Variants in ALDH4A1 observed in about 807,000 individuals in gnomAD.
ALDH4A1 encodes the protein delta-1-pyrroline-5-carboxylate dehydrogenase, mitochondrial.
ALDH4A1 carries 46 observed loss-of-function variants against 70.5 expected under a neutral mutation model. That is an observed-to-expected ratio of 0.65 (90% CI 0.51 to 0.83). The LOEUF is 0.83. Ranked by LOEUF, ALDH4A1 falls within the 40% of genes least tolerant of loss-of-function variation. The pLI, the probability that ALDH4A1 is intolerant of heterozygous loss-of-function variation, is 0.00. For missense variants in ALDH4A1, 749 were observed against 766.5 expected, an observed-to-expected ratio of 0.98 and a Z score of 0.27; for synonymous variants, 323 against 324.3, an observed-to-expected ratio of 1.00 and a Z score of 0.04.
intron 4 of ALDH4A1, among the ~76,000 whole-genome samples, chr1:18,885,859 C>T (rs551076815): frequency 2.6e-5 from 4 of 152,306 alleles, no homozygotes; most frequent in Admixed American, 1.3e-4. Flanking sequence ...GTCAGCTCTC[C>T]GAGGCCTTGG....
At chr1:18,887,387 CAGG>C (rs1935247989) in intron 3 of ALDH4A1, among the ~76,000 whole-genome samples, 1 of 152,240 alleles carries the variant, frequency 6.6e-6, no homozygotes, top group Non-Finnish European at 1.5e-5. Context: ...ATCACAAGGT[CAGG>C]AGATCGAGAC....
At chr1:18,889,720 T>C (rs949589350) in intron 2 of ALDH4A1, among the ~76,000 whole-genome samples, 21 of 152,356 alleles carry the variant, frequency 1.4e-4, no homozygotes, top group African/African-American at 5.1e-4. Flanking sequence ...TGAAATCTCA[T>C]GATTTTTAAA....
In ALDH4A1 at chr1:18,902,528, G is replaced by T. The variant is rs564951853; in HGVS notation, c.-5C>A. 33 of 1,487,680 alleles carry T rather than the reference G, an allele frequency of 2.2e-5. No homozygotes were observed. The highest frequency in any genetic ancestry group is 5.7e-5 in the African/African-American group (4 of 70,336). 92.2% of individuals were successfully genotyped at this position (1,487,680 alleles called of 1,614,324 possible). A position where few individuals can be genotyped will look rare whatever the true frequency, so the allele number is the denominator to read the frequency against. On this transcript the variant is annotated 5_prime_UTR_variant, in exon 1 of 15. Transcript: ENST00000375341. ...CGCGGGCGCCGGCAGCAGCATCTCG[G>T]GTTAGAAGCGGGGCTGTTCGCTGGA...
In ALDH4A1 at chr1:18,901,551, G is replaced by A. The variant is rs189350856; in HGVS notation, c.62+911C>T. 2.7e-3 allele frequency among the ~76,000 whole-genome samples: 412 copies of A among 152,318 alleles called. 2 individuals are homozygous for A. The highest frequency in any genetic ancestry group is 4.6e-3 in the Non-Finnish European group (310 of 68,028). ...CCTAGCTCCGAGCTGGAGGGGCTCTGAGAATATTTGTCATTGAGTGGGCAA... is the reference window on the plus strand; with the variant it reads ...CCTAGCTCCGAGCTGGAGGGGCTCTAAGAATATTTGTCATTGAGTGGGCAA... On this transcript the variant is annotated intron_variant, in intron 1 of 14. Transcript: ENST00000375341.
At chr1:18,889,546 C>T in intron 2 of ALDH4A1, 92 bp from the exon 3 acceptor site, 1 of 1,165,950 alleles carries the variant, frequency 8.6e-7, no homozygotes, top group Non-Finnish European at 1.2e-6. Context: ...CGGAGGTGCC[C>T]AGGCAATACA....
rs1934975752 is a variant in ALDH4A1, at chr1:18,881,735, C to T, written c.831G>A (p.Glu277=). Residue 277 remains glutamate, a synonymous_variant, in exon 8 of 15, where the codon GAG becomes GAA. Transcript: ENST00000375341. ...CTGTGAAGTTGATGCCACAGAGGTG[C>T]TCTGAGCTGGTGACAGTGTCCCCAA... ...PLFGDTVTSS[E]HLCGINFTGS... is the part of the protein sequence containing the mutation. The T allele has an allele frequency of 6.2e-7, 1 of 1,614,004 alleles. No individual in the cohort carries two copies. The highest frequency in any genetic ancestry group is 8.5e-7 in the Non-Finnish European group (1 of 1,180,056).
chr1:18,895,456 G>C (rs1489016784), intron 1 of ALDH4A1, among the ~76,000 whole-genome samples: 1 of 151,990 alleles, frequency 6.6e-6, no homozygotes, highest in Non-Finnish European at 1.5e-5. Flanking sequence ...CTCCTGCAGC[G>C]GGACATGTCA....
At chr1:18,885,431 A>AACCCCCCCCCCCC in intron 5 of ALDH4A1, 42 bp downstream of exon 5, 7 of 478,978 alleles carry the variant, frequency 1.5e-5, no homozygotes, top group East Asian at 8.6e-5. Context: ...CCTGACTCCC[A>AACCCCCCCCCCCC]CCCCACCCCG....
rs72936443 is a variant in ALDH4A1, at chr1:18,886,387, G to A, written c.297+77C>T. 0.039 allele frequency: 59,600 copies of A among 1,519,040 alleles called. 1,865 individuals carry two copies. Among genetic ancestry groups the A allele is most frequent in the African/African-American group, 0.16 (11,391 of 72,784 alleles). 94.1% of individuals were successfully genotyped at this position (1,519,040 alleles called of 1,614,324 possible). A position where few individuals can be genotyped will look rare whatever the true frequency, so the allele number is the denominator to read the frequency against. ...ACAGCAACTGATGCCCCCTGCCCCC[G>A]CCATATCAGCAGCTGGCAGGGCAGA... On this transcript the variant is annotated intron_variant, in intron 4 of 14. Coordinates refer to ENST00000375341, the MANE Select transcript of ALDH4A1 (RefSeq NM_003748.4).
Position 18,892,439 on chromosome 1 carries a change from G to T in ALDH4A1, c.63-2334C>A, listed in dbSNP as rs1291964179. ...AGATGGTGAGCATGGCAAACAAGGGGGAGAATAGGGCTGCTTCAGCCAGGG... is the reference window on the plus strand; with the variant it reads ...AGATGGTGAGCATGGCAAACAAGGGTGAGAATAGGGCTGCTTCAGCCAGGG... On this transcript the variant is annotated intron_variant, in intron 1 of 14. Transcript: ENST00000375341. Among the ~76,000 whole-genome samples the T allele has an allele frequency of 2.0e-5, 3 of 152,204 alleles. No homozygotes were observed. The South Asian group carries it at 6.2e-4, about 32-fold the overall frequency.
At chr1:18,873,998 A>G (rs1022703857) in intron 14 of ALDH4A1, among the ~76,000 whole-genome samples, 1 of 152,182 alleles carries the variant, frequency 6.6e-6, no homozygotes, top group Non-Finnish European at 1.5e-5. Flanking sequence ...GTGAGCATCA[A>G]GTTAAACTGT....
rs1190088193 is a variant in ALDH4A1 at position 18,880,948 on chromosome 1, A to ATCCT, written c.866+751_866+752insAGGA. Among the ~76,000 whole-genome samples the ATCCT allele has an allele frequency of 1.3e-5, 2 of 152,238 alleles. No homozygotes were observed. The highest frequency in any genetic ancestry group is 4.2e-4 in the South Asian group (2 of 4,818). On this transcript the variant is annotated intron_variant, in intron 8 of 14. Coordinates refer to ENST00000375341, the MANE Select transcript of ALDH4A1 (RefSeq NM_003748.4). The surrounding 1 kb of genome is among the most constrained non-coding windows in gnomAD (Gnocchi z 5.1). ...CAGGATAAAGGCCAGACACCTTTGCAGACTCCTAAGTATCTTATGGTCACT... is the reference window on the plus strand; with the variant it reads ...CAGGATAAAGGCCAGACACCTTTGCATCCTGACTCCTAAGTATCTTATGGTCACT...
chr1:18,876,881 G>A (rs28756052), intron 11 of ALDH4A1, among the ~76,000 whole-genome samples: 58,284 of 152,074 alleles, frequency 0.38, 11,818 homozygotes, highest in African/African-American at 0.47. Context: ...GGATATGTAC[G>A]TGTTTATATG....
chr1:18,883,698 T>C (rs1441572540), intron 5 of ALDH4A1, among the ~76,000 whole-genome samples: 1 of 152,226 alleles, frequency 6.6e-6, no homozygotes, highest in East Asian at 1.9e-4. Context: ...GTACTTGCCA[T>C]GCACTGTCTT....
rs988973918 is a variant in ALDH4A1, at chr1:18,886,741, G to T, written c.250-230C>A. On this transcript the variant is annotated intron_variant, in intron 3 of 14. Coordinates refer to ENST00000375341, the MANE Select transcript of ALDH4A1 (RefSeq NM_003748.4). ...TAAGACATGGCTCCTTCTCCAGAAG[G>T]CTCAGAGTCCAGGAGAAAGGCATAG... Among the ~76,000 whole-genome samples the T allele has an allele frequency of 9.9e-5, 15 of 152,154 alleles. 1 individual carries two copies. Among genetic ancestry groups the T allele is most frequent in the African/African-American group, 2.4e-4 (10 of 41,428 alleles).
At chr1:18,877,977 T>TTG (rs1934792850) in intron 9 of ALDH4A1, among the ~76,000 whole-genome samples, 2 of 151,958 alleles carry the variant, frequency 1.3e-5, no homozygotes, top group Non-Finnish European at 2.9e-5. Context: ...GCACAGCTTT[T>TTG]TGTGAGGTTC....
At chr1:18,896,790 G>A (rs558902538) in intron 1 of ALDH4A1, among the ~76,000 whole-genome samples, 1 of 152,270 alleles carries the variant, frequency 6.6e-6, no homozygotes, top group Admixed American at 6.5e-5. Flanking sequence ...CTACTTGGGA[G>A]GCTGAGGAAG....
At chr1:18,890,372 T>C (rs1234508855) in intron 1 of ALDH4A1, among the ~76,000 whole-genome samples, 4 of 152,142 alleles carry the variant, frequency 2.6e-5, no homozygotes, top group Non-Finnish European at 5.9e-5. Context: ...TGAAATCCCG[T>C]CTCTACTAAA....
intron 12 of ALDH4A1, 108 bp from the exon 13 acceptor site, chr1:18,875,611 C>A (rs748619339): frequency 1.3e-5 from 21 of 1,557,652 alleles, no homozygotes; most frequent in Non-Finnish European, 1.8e-5. Flanking sequence ...CCCTGGGCCT[C>A]AGTTTACACT....
Sources: gnomAD v4.1 joint callset for allele counts (sites outside exome capture counted in the v4.1 genomes callset) on GRCh38, gnomAD v4.1.1 for gene constraint, Gnocchi (gnomAD v3.1) non-coding constraint, MANE v1.5 for transcripts, NCBI Gene and HGNC (gene_info 2026-07-23, HGNC 2026-07-21) for gene names.